Variants in VCL observed in about 807,000 individuals in gnomAD.
The protein encoded by VCL is epididymis luminal protein 114.
In VCL, 47 loss-of-function variants were observed where a neutral mutation model predicts 125.7. The observed-to-expected ratio is 0.37, with a 90% CI of 0.30 to 0.48. VCL has a LOEUF of 0.48. Ranked by LOEUF, VCL falls within the 20% of genes least tolerant of loss-of-function variation. The probability of loss-of-function intolerance (pLI) is 0.99; values close to 1 mark genes in which losing one functional copy is unlikely to be tolerated. For missense variants in VCL, 1,069 were observed against 1,455.5 expected (o/e 0.73, Z 4.32); for synonymous variants, 458 against 514.6 (o/e 0.89, Z 1.49).
chr10:74,075,838 C>T (rs1022610413), intron 6 of VCL: 1 of 152,504 alleles, frequency 6.6e-6, no homozygotes, highest in African/African-American at 2.4e-5. Flanking sequence ...AATCACCAGC[C>T]CTCTCTCTTG....
At chr10:74,030,816 A>G (rs979116157) in intron 1 of VCL, among the ~76,000 whole-genome samples, 3 of 152,208 alleles carry the variant, frequency 2.0e-5, no homozygotes, top group Non-Finnish European at 4.4e-5. Context: ...CCATTATTGG[A>G]ACGCTAAGCT....
chr10:74,073,153 A>G (rs772130063), intron 5 of VCL, among the ~76,000 whole-genome samples: 5 of 151,922 alleles, frequency 3.3e-5, no homozygotes, highest in Non-Finnish European at 7.4e-5. Context: ...GTGGGCCAGG[A>G]TGGTCTTGAT....
intron 6 of VCL, among the ~76,000 whole-genome samples, chr10:74,080,614 A>G (rs1041931332): frequency 1.3e-5 from 2 of 152,194 alleles, no homozygotes; most frequent in African/African-American, 4.8e-5. Flanking sequence ...TAGATTTTTG[A>G]AATGTAATAA....
chr10:74,046,848 T>C (rs1358199256), intron 2 of VCL, among the ~76,000 whole-genome samples: 1 of 152,218 alleles, frequency 6.6e-6, no homozygotes, highest in Non-Finnish European at 1.5e-5. Flanking sequence ...TATTCTGAAA[T>C]ATGCTATGTG....
chr10:73,999,563 T>G (rs1196102058), intron 1 of VCL, among the ~76,000 whole-genome samples: 2 of 152,154 alleles, frequency 1.3e-5, no homozygotes, highest in Non-Finnish European at 2.9e-5. Flanking sequence ...AAATAGTGTG[T>G]GTCAGGGCAG....
intron 14 of VCL, among the ~76,000 whole-genome samples, chr10:74,102,994 G>T (rs779270661): frequency 3.9e-5 from 6 of 152,076 alleles, no homozygotes; most frequent in Non-Finnish European, 8.8e-5. Context: ...AGCCTCCCCA[G>T]TAGCTAAGAT....
chr10:74,018,184 A>ATATATATATATATATATATATG (rs1840591931), intron 1 of VCL, among the ~76,000 whole-genome samples: 1 of 134,052 alleles, frequency 7.5e-6, no homozygotes, highest in Non-Finnish European at 1.6e-5. Flanking sequence ...TAGGATATAT[A>ATATATATATATATATATATATG]TATATATATA....
intron 1 of VCL, among the ~76,000 whole-genome samples, chr10:74,028,805 A>G (rs905956232): frequency 2.6e-5 from 4 of 152,214 alleles, no homozygotes; most frequent in Non-Finnish European, 5.9e-5. Context: ...GTCACTAGTC[A>G]GGACTAAAAG....
intron 11 of VCL, 46 bp from the exon 12 acceptor site, chr10:74,095,610 G>A: frequency 6.2e-7 from 1 of 1,611,432 alleles, no homozygotes; most frequent in Non-Finnish European, 8.5e-7. Flanking sequence ...CATTGCAATT[G>A]TCTCCTCTGG....
intron 2 of VCL, among the ~76,000 whole-genome samples, chr10:74,054,278 G>A (rs1342231160): frequency 6.6e-6 from 1 of 152,034 alleles, no homozygotes; most frequent in African/African-American, 2.4e-5. Flanking sequence ...TCTTATAATT[G>A]TCAGTGTTAG....
intron 10 of VCL, among the ~76,000 whole-genome samples, chr10:74,091,826 A>G (rs1340915174): frequency 6.6e-6 from 1 of 150,668 alleles, no homozygotes; most frequent in Non-Finnish European, 1.5e-5. Context: ...AAAAGAAAAG[A>G]AAAAAAAGAG....
chr10:74,061,785 A>G (rs1255666724), intron 2 of VCL, among the ~76,000 whole-genome samples: 2 of 151,916 alleles, frequency 1.3e-5, no homozygotes, highest in African/African-American at 4.8e-5. Flanking sequence ...TTCCCCTGCA[A>G]TATCTAATCT....
intron 1 of VCL, among the ~76,000 whole-genome samples, chr10:74,039,382 T>A (rs1292396635): frequency 6.6e-6 from 1 of 151,930 alleles, no homozygotes; most frequent in African/African-American, 2.4e-5. Context: ...GTCACTACTA[T>A]CACTCTCCCG....
At chr10:74,002,059 A>T (rs563723267) in intron 1 of VCL, among the ~76,000 whole-genome samples, 4 of 152,284 alleles carry the variant, frequency 2.6e-5, no homozygotes, top group Admixed American at 2.6e-4. Context: ...GCAGGTGTTT[A>T]TTGAGACCCC....
At chr10:74,057,162 C>G (rs925738049) in intron 2 of VCL, among the ~76,000 whole-genome samples, 1 of 151,988 alleles carries the variant, frequency 6.6e-6, no homozygotes, top group African/African-American at 2.4e-5. Flanking sequence ...CTAGGCTGTT[C>G]TCAAACTCCT....
At chr10:74,028,735 G>A (rs1840820119) in intron 1 of VCL, among the ~76,000 whole-genome samples, 2 of 151,914 alleles carry the variant, frequency 1.3e-5, no homozygotes, top group Admixed American at 1.3e-4. Context: ...GGAAAAACTA[G>A]AGGAGATTAT....
At chr10:74,083,297 C>G (rs1440677556) in intron 7 of VCL, 69 bp from the exon 8 acceptor site, 1 of 1,595,116 alleles carries the variant, frequency 6.3e-7, no homozygotes, top group African/African-American at 1.3e-5. Flanking sequence ...AATGAAATGA[C>G]TTGTAAAGTA....
rs565102368 is a variant in VCL, at chr10:74,104,778, G to T, written c.2132-273G>T. On this transcript the variant is annotated intron_variant, in intron 15 of 21. Transcript: ENST00000211998. The stretch of plus-strand genomic sequence containing the variant: ...ATATTCCTTGTTTCCTCCCGATGTT[G>T]CATTTCTGGTTGTCTGGGGTGGATA... The T allele has an allele frequency of 8.3e-5, 40 of 484,490 alleles. No individual in the cohort carries two copies. In the South Asian group the frequency reaches 8.5e-4, roughly 10 times the overall value. 30.0% of individuals were successfully genotyped at this position (484,490 alleles called of 1,614,324 possible). A position where few individuals can be genotyped will look rare whatever the true frequency, so the allele number is the denominator to read the frequency against.
At chr10:74,034,893 G>C (rs552799367) in intron 1 of VCL, among the ~76,000 whole-genome samples, 1 of 152,280 alleles carries the variant, frequency 6.6e-6, no homozygotes, top group African/African-American at 2.4e-5. Flanking sequence ...CTGAGGCCTG[G>C]TACTGGGCAC....
Sources: gnomAD v4.1 joint callset for allele counts (sites outside exome capture counted in the v4.1 genomes callset) on GRCh38, gnomAD v4.1.1 for gene constraint, MANE v1.5 for transcripts, NCBI Gene and HGNC (gene_info 2026-07-23, HGNC 2026-07-21) for gene names.